The following ME1 variants were observed in gnomAD, a reference collection of about 807,000 sequenced individuals.
ME1 encodes malic enzyme 1.
In ME1, 74 loss-of-function variants were observed where a neutral mutation model predicts 66.4. That is an observed-to-expected ratio of 1.11 (90% confidence interval 0.92 to 1.35). The LOEUF (loss-of-function observed/expected upper bound fraction) is 1.35, where lower values mean the gene tolerates loss of function less well. ME1 is among the 40% of genes most tolerant of loss of function. The probability of loss-of-function intolerance (pLI) is 0.00; values close to 1 mark genes in which losing one functional copy is unlikely to be tolerated. For missense variants in ME1, 750 were observed against 694.1 expected, an observed-to-expected ratio of 1.08 and a Z score of -0.90; for synonymous variants, 251 against 235.6, an observed-to-expected ratio of 1.07 and a Z score of -0.60.
chr6:83,401,129 T>C (rs770201905), intron 2 of ME1, among the ~76,000 whole-genome samples: 3 of 152,192 alleles, frequency 2.0e-5, no homozygotes, highest in African/African-American at 4.8e-5. Flanking sequence ...CTAGCATATT[T>C]TATAATTTAC....
intron 6 of ME1, among the ~76,000 whole-genome samples, chr6:83,303,895 C>T (rs1767776271): frequency 6.6e-6 from 1 of 152,072 alleles, no homozygotes; most frequent in Admixed American, 6.6e-5. Flanking sequence ...TTTTTATGTG[C>T]AAGTACTTTT....
chr6:83,393,310 A>C (rs1338999286), intron 3 of ME1: 1 of 1,255,014 alleles, frequency 8.0e-7, no homozygotes, highest in Admixed American at 1.8e-5. Flanking sequence ...CATTGCCCTC[A>C]ACGACCACTT....
At chr6:83,249,645 T>C (rs1053863677) in intron 7 of ME1, among the ~76,000 whole-genome samples, 1 of 152,212 alleles carries the variant, frequency 6.6e-6, no homozygotes, top group Non-Finnish European at 1.5e-5. Context: ...ATTTAAACTT[T>C]CTTTGATCAC....
chr6:83,212,011 C>T lies in ME1; in HGVS notation c.1632G>A (p.Met544Ile), dbSNP rs762500418. Residue 544 changes from methionine to isoleucine, a missense_variant, in exon 14 of 14, where the codon ATG (methionine) becomes ATA (isoleucine). Coordinates refer to ENST00000369705, the MANE Select transcript of ME1 (RefSeq NM_002395.6). ...QNKEAFVRSQMYSTDYDQILP... is the reference protein window; with the variant it reads ...QNKEAFVRSQIYSTDYDQILP... ...GAATCTGGTCATAATCAGTACTATACATCTGGGAGCGGACAAATGCTTCTT... is the reference window on the plus strand; with the variant it reads ...GAATCTGGTCATAATCAGTACTATATATCTGGGAGCGGACAAATGCTTCTT... 1 of 1,613,174 alleles carries T rather than the reference C, an allele frequency of 6.2e-7. No individual in the cohort carries two copies. Among genetic ancestry groups the T allele is most frequent in the Admixed American group, 1.7e-5 (1 of 60,014 alleles).
chr6:83,220,829 T>C (rs1790078682), intron 12 of ME1, among the ~76,000 whole-genome samples: 1 of 152,158 alleles, frequency 6.6e-6, no homozygotes. Flanking sequence ...TACTGAAGTT[T>C]TAAAAGAAGT....
intron 4 of ME1, among the ~76,000 whole-genome samples, chr6:83,351,168 G>A (rs1768795629): frequency 6.6e-6 from 1 of 152,078 alleles, no homozygotes; most frequent in East Asian, 1.9e-4. Flanking sequence ...GCTCAGGCAG[G>A]AGGACTGCGT....
chr6:83,366,012 TG>T (rs1011324958), intron 3 of ME1, among the ~76,000 whole-genome samples: 16 of 152,314 alleles, frequency 1.1e-4, no homozygotes, highest in Admixed American at 2.6e-4. Context: ...TTTACTCTAA[TG>T]AACAGTGACC....
chr6:83,285,289 A>G (rs1162849142), intron 6 of ME1, among the ~76,000 whole-genome samples: 1 of 152,164 alleles, frequency 6.6e-6, no homozygotes, highest in Non-Finnish European at 1.5e-5. Context: ...TAATTCTACT[A>G]GACTGTCAGA....
chr6:83,253,598 A>G (rs1401789742), intron 7 of ME1, 31 bp downstream of exon 7: 2 of 1,037,762 alleles, frequency 1.9e-6, no homozygotes, highest in Non-Finnish European at 1.5e-6. Context: ...CAGACATGTT[A>G]TTGATCCATA....
rs985596300 is a variant in ME1 at position 83,243,196 on chromosome 6, T to G, written c.815-3560A>C. Among the ~76,000 whole-genome samples the G allele has an allele frequency of 4.7e-4, 70 of 149,988 alleles. 1 individual carries two copies. The highest frequency in any genetic ancestry group is 1.7e-3 in the African/African-American group (70 of 40,742). On this transcript the variant is annotated intron_variant, in intron 7 of 13. Transcript: ENST00000369705. Reference sequence around the variant, plus strand: ...CAGTAGGATCACTTGAACCCAGGAGTTTGAGGCTGCAGTGAGCTATGACTG... The same window carrying G: ...CAGTAGGATCACTTGAACCCAGGAGGTTGAGGCTGCAGTGAGCTATGACTG...
At chr6:83,268,858 C>T (rs920537002) in intron 6 of ME1, among the ~76,000 whole-genome samples, 9 of 151,634 alleles carry the variant, frequency 5.9e-5, no homozygotes, top group Middle Eastern at 3.2e-3. Context: ...TCCCAAAGTG[C>T]GGGGGTTATA....
At chr6:83,380,796 A>G (rs757726457) in intron 3 of ME1, among the ~76,000 whole-genome samples, 3 of 152,112 alleles carry the variant, frequency 2.0e-5, no homozygotes, top group Non-Finnish European at 4.4e-5. Context: ...GGCTACAAAT[A>G]TTGACTTGGA....
At chr6:83,393,219 A>G in intron 3 of ME1, 1 of 1,138,054 alleles carries the variant, frequency 8.8e-7, no homozygotes, top group South Asian at 1.2e-5. Flanking sequence ...CCTCAAAGGC[A>G]TCCTGGGCTA....
chr6:83,306,435 G>C (rs974215403), intron 6 of ME1, among the ~76,000 whole-genome samples: 1 of 151,778 alleles, frequency 6.6e-6, no homozygotes, highest in Non-Finnish European at 1.5e-5. Flanking sequence ...AATATTAAGG[G>C]CTTTCTCTAT....
At chr6:83,219,405 A>T (rs1386980826) in intron 12 of ME1, among the ~76,000 whole-genome samples, 1 of 152,172 alleles carries the variant, frequency 6.6e-6, no homozygotes, top group Non-Finnish European at 1.5e-5. Context: ...TAATTCCATC[A>T]ATTACTGTCT....
rs1333710633 is a variant in ME1, at chr6:83,407,829, G to A, written c.151C>T (p.Gln51Ter). ...ACTACTCTAAGAACCTGGATCTCCT[G>A]ACTGTTGAAGGAAGGTGGCAACAAT... is the stretch of plus-strand genomic sequence containing the variant. Reference protein sequence around the residue: ...HGLLPPSFNSQEIQVLRVVKN... With the variant: ...HGLLPPSFNS Residue 51 changes from glutamine (Q) to a stop codon, truncating the protein, a stop_gained, in exon 2 of 14, where the codon CAG becomes TAG. Transcript: ENST00000369705. LOFTEE classifies it high-confidence loss of function. 2.5e-6 allele frequency: 4 copies of A among 1,613,210 alleles called. No homozygotes were observed. The highest frequency in any genetic ancestry group is 3.4e-6 in the Non-Finnish European group (4 of 1,179,826).
intron 4 of ME1, among the ~76,000 whole-genome samples, chr6:83,350,241 A>G (rs1216091910): frequency 6.6e-6 from 1 of 152,188 alleles, no homozygotes; most frequent in African/African-American, 2.4e-5. Context: ...TTTTTAAATA[A>G]AAGAGGGCAT....
At chr6:83,266,476 G>A (rs909466026) in intron 6 of ME1, among the ~76,000 whole-genome samples, 1 of 150,786 alleles carries the variant, frequency 6.6e-6, no homozygotes, top group Non-Finnish European at 1.5e-5. Flanking sequence ...CATGTCCTGA[G>A]TTATGTCTAT....
At chr6:83,359,877 A>G (rs980774001) in intron 3 of ME1, among the ~76,000 whole-genome samples, 3 of 152,224 alleles carry the variant, frequency 2.0e-5, no homozygotes, top group African/African-American at 7.2e-5. Context: ...TACAATGGGA[A>G]TAATTGGATC....
Sources: gnomAD v4.1 joint callset for allele counts (sites outside exome capture counted in the v4.1 genomes callset) on GRCh38, gnomAD v4.1.1 for gene constraint, MANE v1.5 for transcripts, NCBI Gene and HGNC (gene_info 2026-07-23, HGNC 2026-07-21) for gene names.